ILKAP: variants seen among roughly 807,000 people sequenced by gnomAD.
ILKAP encodes integrin-linked kinase-associated serine/threonine phosphatase 2C.
Under a neutral mutation model 49.1 loss-of-function variants are expected in ILKAP, and 11 were observed. That is an observed-to-expected ratio of 0.22 (90% CI 0.14 to 0.37). The LOEUF (loss-of-function observed/expected upper bound fraction) is 0.37. ILKAP is among the 10% of genes least tolerant of loss of function. The pLI is 1.00. For missense variants in ILKAP, 363 were observed against 510.8 expected, an observed-to-expected ratio of 0.71 and a Z score of 2.79; for synonymous variants, 186 against 192.8, an observed-to-expected ratio of 0.96 and a Z score of 0.29.
At chr2:238,180,654 TG>T (rs1224485082) in intron 9 of ILKAP, among the ~76,000 whole-genome samples, 1 of 152,242 alleles carries the variant, frequency 6.6e-6, no homozygotes, top group Non-Finnish European at 1.5e-5. Flanking sequence ...CCCACGCTGC[TG>T]GTCTCTTAGC....
intron 3 of ILKAP, among the ~76,000 whole-genome samples, chr2:238,192,727 G>GT (rs1694187948): frequency 6.8e-6 from 1 of 146,470 alleles, no homozygotes; most frequent in East Asian, 2.1e-4. Context: ...AAAAGAATGT[G>GT]TTATCGGCTG....
At chr2:238,201,705 A>C (rs979620197) in intron 1 of ILKAP, among the ~76,000 whole-genome samples, 1 of 152,238 alleles carries the variant, frequency 6.6e-6, no homozygotes, top group Admixed American at 6.5e-5. Flanking sequence ...GCAGGTAAAA[A>C]GCAATGGAGA....
At chr2:238,200,570 A>G (rs1694526533) in intron 1 of ILKAP, among the ~76,000 whole-genome samples, 1 of 152,228 alleles carries the variant, frequency 6.6e-6, no homozygotes. Flanking sequence ...CTGTAATCCC[A>G]GCACTCTGGG....
intron 3 of ILKAP, among the ~76,000 whole-genome samples, chr2:238,192,233 AAAAG>A (rs1694160520): frequency 6.6e-6 from 1 of 151,960 alleles, no homozygotes; most frequent in South Asian, 2.1e-4. Flanking sequence ...GAAAAAGAAA[AAAAG>A]AAAAATAATA....
chr2:238,184,079 T>C lies in ILKAP; in HGVS notation c.567A>G (p.Arg189=). 3.1e-6 allele frequency: 5 copies of C among 1,610,732 alleles called. No individual in the cohort carries two copies. Among genetic ancestry groups the C allele is most frequent in the Non-Finnish European group, 4.2e-6 (5 of 1,176,916 alleles). ...DVISVEKTVK[R]CLLDTFKHTD... ...TATGCTTGAAAGTGTCCAAAAGGCATCTCTTCACGGTTTTCTCTACACTGA... is the reference window on the plus strand; with the variant it reads ...TATGCTTGAAAGTGTCCAAAAGGCACCTCTTCACGGTTTTCTCTACACTGA... Residue 189 remains arginine (R), a synonymous_variant, in exon 7 of 12, where the codon AGA becomes AGG. Transcript: ENST00000254654.
At chr2:238,195,215 G>GA (rs1314460282) in intron 1 of ILKAP, among the ~76,000 whole-genome samples, 2 of 152,028 alleles carry the variant, frequency 1.3e-5, no homozygotes, top group African/African-American at 2.4e-5. Context: ...ATCCTGGGAA[G>GA]AAAAAAACTG....
chr2:238,183,835 A>T, intron 7 of ILKAP, 95 bp from the exon 8 acceptor site: 2 of 1,034,508 alleles, frequency 1.9e-6, no homozygotes, highest in Non-Finnish European at 2.9e-6. Flanking sequence ...TTATATTTCA[A>T]AATGAACCAT....
At chr2:238,179,902 G>C (rs186872486) in intron 9 of ILKAP, among the ~76,000 whole-genome samples, 3 of 152,108 alleles carry the variant, frequency 2.0e-5, no homozygotes, top group Non-Finnish European at 4.4e-5. Context: ...AATGAGTCTC[G>C]GCAGGGTGCA....
In ILKAP at chr2:238,175,932, T is replaced by C. The variant is rs539960955; in HGVS notation, c.837-2279A>G. ...CCAAGTGGCTGGGACTACAGGCGCA[T>C]GCCACCAATACATACTCTATCCACA... On this transcript the variant is annotated intron_variant, in intron 9 of 11. Transcript: ENST00000254654. Among the ~76,000 whole-genome samples the C allele has an allele frequency of 2.0e-5, 3 of 151,952 alleles. No individual in the cohort carries two copies. In the East Asian group the frequency reaches 5.8e-4, roughly 30 times the overall value.
chr2:238,173,988 C>T (rs1034481364), intron 9 of ILKAP: 2 of 245,376 alleles, frequency 8.2e-6, no homozygotes, highest in Admixed American at 1.0e-4. Context: ...ATTTGACTGA[C>T]TGGGTAAGGG....
rs892920891 is a variant in ILKAP, at chr2:238,188,892, G to T, written c.299-635C>A. Among the ~76,000 whole-genome samples the T allele has an allele frequency of 2.0e-5, 3 of 152,172 alleles. No homozygotes were observed. The South Asian group carries it at 6.2e-4, about 32-fold the overall frequency. ...GAACACTGTGAAGAGCTGTCTTCTG[G>T]GAAGTGACAAGCTAAGTTGAAGATG... On this transcript the variant is annotated intron_variant, in intron 4 of 11. Transcript: ENST00000254654.
chr2:238,193,433 C>G (rs551150375), intron 3 of ILKAP, among the ~76,000 whole-genome samples: 2 of 152,338 alleles, frequency 1.3e-5, no homozygotes, highest in African/African-American at 4.8e-5. Context: ...GTTGGCCAGG[C>G]TGGTCTTGAA....
At position 238,173,479 on chromosome 2, in the gene ILKAP, GAA is replaced by G. The variant is rs1341096774; in HGVS notation, c.956+53_956+54del. On this transcript the variant is annotated intron_variant, in intron 10 of 11. Coordinates refer to ENST00000254654, the MANE Select transcript of ILKAP (RefSeq NM_030768.3). ...AGGCTTGATAGAAACTGGAAGTGAGGAAGAGAAATAAACCCACATGCACACAC... is the reference window on the plus strand; with the variant it reads ...AGGCTTGATAGAAACTGGAAGTGAGGGAGAAATAAACCCACATGCACACAC... The G allele has an allele frequency of 4.4e-6, 7 of 1,587,674 alleles. No individual in the cohort carries two copies. The East Asian group carries it at 1.4e-4, about 31-fold the overall frequency.
rs537249577 is a variant in ILKAP, at chr2:238,173,773, A to G, written c.837-120T>C. Reference sequence around the variant, plus strand: ...GAAAGATACAGACTGTGGAATTCACATTATTAACCACTACTGACATTTCTT... The same window carrying G: ...GAAAGATACAGACTGTGGAATTCACGTTATTAACCACTACTGACATTTCTT... On this transcript the variant is annotated intron_variant, in intron 9 of 11. Transcript: ENST00000254654. 3.5e-6 allele frequency: 4 copies of G among 1,149,252 alleles called. No homozygotes were observed. The East Asian group carries it at 1.0e-4, about 29-fold the overall frequency. The allele number at this position is 1,149,252 out of a possible 1,614,324, so 71.2% of individuals were successfully genotyped here. A position where few individuals can be genotyped will look rare whatever the true frequency, so the allele number is the denominator to read the frequency against.
intron 9 of ILKAP, among the ~76,000 whole-genome samples, chr2:238,180,368 C>G (rs767384262): frequency 6.6e-6 from 1 of 152,122 alleles, no homozygotes; most frequent in Non-Finnish European, 1.5e-5. Flanking sequence ...CTAATTATGT[C>G]AAGAACGTCC....
intron 1 of ILKAP, among the ~76,000 whole-genome samples, chr2:238,197,728 G>A (rs541775652): frequency 1.3e-5 from 2 of 152,148 alleles, no homozygotes; most frequent in East Asian, 3.9e-4. Flanking sequence ...TCTCACTCTG[G>A]AATACTATGA....
At chr2:238,202,788 C>T (rs895349652) in intron 1 of ILKAP, among the ~76,000 whole-genome samples, 9 of 150,876 alleles carry the variant, frequency 6.0e-5, no homozygotes, top group Non-Finnish European at 1.2e-4. Flanking sequence ...ATGCTGAGCT[C>T]AAACCACAGC....
rs985634558 is a variant in ILKAP at position 238,192,237 on chromosome 2, GAAA to G, written c.178+2035_178+2037del. 4.0e-5 allele frequency among the ~76,000 whole-genome samples: 6 copies of G among 151,324 alleles called. No homozygotes were observed. The East Asian group carries it at 1.2e-3, about 29-fold the overall frequency. On this transcript the variant is annotated intron_variant, in intron 3 of 11. Coordinates refer to ENST00000254654, the MANE Select transcript of ILKAP (RefSeq NM_030768.3). ...AAAAAGAAAAAGAAAAAGAAAAAAA[GAAA>G]AATAATAAAATTTCAAAATAAAGAC...
intron 3 of ILKAP, among the ~76,000 whole-genome samples, chr2:238,192,258 A>G (rs1471823043): frequency 2.0e-5 from 3 of 152,142 alleles, no homozygotes; most frequent in Non-Finnish European, 4.4e-5. Flanking sequence ...AAATTTCAAA[A>G]TAAAGACACC....
Sources: allele counts gnomAD v4.1 joint callset (sites outside exome capture counted in the v4.1 genomes callset), GRCh38; gene constraint gnomAD v4.1.1; transcripts MANE v1.5; gene names NCBI Gene and HGNC (gene_info 2026-07-23, HGNC 2026-07-21).